The following EZH2 variants were observed in gnomAD, a reference collection of about 807,000 sequenced individuals.
EZH2 encodes histone-lysine N-methyltransferase EZH2.
A neutral mutation model predicts 98.4 loss-of-function variants in EZH2; 18 were observed. The ratio of observed to expected loss-of-function variants is 0.18; its 90% CI spans 0.13 to 0.27. EZH2 has a LOEUF of 0.27. Ranked by LOEUF, EZH2 falls within the 10% of genes least tolerant of loss-of-function variation. The pLI, the probability that EZH2 is intolerant of heterozygous loss-of-function variation, is 1.00. For missense variants in EZH2, 470 were observed against 935.1 expected, an observed-to-expected ratio of 0.50 and a Z score of 6.49; for synonymous variants, 338 against 312.3, an observed-to-expected ratio of 1.08 and a Z score of -0.87.
chr7:148,827,350 T>C, intron 6 of EZH2, 84 bp from the exon 7 acceptor site: 1 of 944,054 alleles, frequency 1.1e-6, no homozygotes, highest in Non-Finnish European at 1.6e-6. Context: ...ATTATGTCTC[T>C]ATAACAAAGC....
intron 14 of EZH2, among the ~76,000 whole-genome samples, chr7:148,814,560 C>G (rs1050795089): frequency 1.3e-5 from 2 of 152,190 alleles, no homozygotes; most frequent in Non-Finnish European, 2.9e-5. Context: ...ACCCTCCTAA[C>G]TCTGACGATT....
chr7:148,835,547 G>A (rs1344845749), intron 3 of EZH2, among the ~76,000 whole-genome samples: 1 of 151,812 alleles, frequency 6.6e-6, no homozygotes, highest in African/African-American at 2.4e-5. Flanking sequence ...TTTGGGGGTG[G>A]AGGTGCTTAT....
chr7:148,866,145 T>G (rs1426458375), intron 1 of EZH2, among the ~76,000 whole-genome samples: 4 of 152,132 alleles, frequency 2.6e-5, no homozygotes, highest in African/African-American at 4.8e-5. Flanking sequence ...TACTTAAAAT[T>G]TATCACAAAT....
intron 4 of EZH2, among the ~76,000 whole-genome samples, chr7:148,831,096 G>A (rs1242735388): frequency 6.6e-6 from 1 of 152,150 alleles, no homozygotes; most frequent in Non-Finnish European, 1.5e-5. Flanking sequence ...AGAACACGCT[G>A]GGAAAGGCCA....
chr7:148,874,915 T>C (rs1585308182), intron 1 of EZH2, among the ~76,000 whole-genome samples: 1 of 149,122 alleles, frequency 6.7e-6, no homozygotes, highest in South Asian at 2.1e-4. Context: ...AAAAAAAAAA[T>C]TTTACTTGAT....
intron 3 of EZH2, among the ~76,000 whole-genome samples, chr7:148,834,352 TACACACACACACACACAC>T (rs10542159): frequency 7.0e-6 from 1 of 143,320 alleles, no homozygotes; most frequent in Admixed American, 6.9e-5. Flanking sequence ...TATATATATA[TACACACACACACACACAC>T]ACACACACAC....
At chr7:148,826,886 G>A (rs949344977) in intron 7 of EZH2, among the ~76,000 whole-genome samples, 1 of 152,108 alleles carries the variant, frequency 6.6e-6, no homozygotes, top group African/African-American at 2.4e-5. Context: ...ATTTCTACCA[G>A]TATCCAGATA....
intron 1 of EZH2, among the ~76,000 whole-genome samples, chr7:148,855,039 TGA>T (rs1205972436): frequency 2.0e-5 from 3 of 152,190 alleles, no homozygotes; most frequent in Non-Finnish European, 4.4e-5. Flanking sequence ...AGGAAGACCA[TGA>T]GAGAGGAATC....
intron 10 of EZH2, 119 bp downstream of exon 10, chr7:148,817,756 ACT>A: frequency 5.3e-6 from 7 of 1,313,514 alleles, no homozygotes; most frequent in Non-Finnish European, 7.5e-6. Flanking sequence ...TCTTGAGATA[ACT>A]CTGGTCTTTA....
chr7:148,817,617 T>C, intron 10 of EZH2: 1 of 665,480 alleles, frequency 1.5e-6, no homozygotes, highest in East Asian at 2.7e-5. Context: ...CTGAGAAAGA[T>C]CGAAAAAAGA....
chr7:148,808,713 G>T lies in EZH2; in HGVS notation c.2195+358C>A, dbSNP rs146444246. On this transcript the variant is annotated intron_variant, in intron 19 of 19. Transcript: ENST00000320356. Reference sequence around the variant, plus strand: ...ATAGTATATTGTCAAGTAAAACCATGTTGCAGAAAAATCTATAGGACAGTG... The same window carrying T: ...ATAGTATATTGTCAAGTAAAACCATTTTGCAGAAAAATCTATAGGACAGTG... Among the ~76,000 whole-genome samples the T allele has an allele frequency of 2.2e-4, 33 of 152,260 alleles. No homozygotes were observed. In the East Asian group the frequency reaches 5.8e-3, roughly 27 times the overall value.
At chr7:148,838,524 C>A (rs908618001) in intron 3 of EZH2, among the ~76,000 whole-genome samples, 2 of 152,030 alleles carry the variant, frequency 1.3e-5, no homozygotes, top group Non-Finnish European at 2.9e-5. Context: ...GTACATGAAG[C>A]AGGTAACAAG....
At chr7:148,844,644 G>C (rs73745401) in intron 3 of EZH2, among the ~76,000 whole-genome samples, 3,642 of 152,130 alleles carry the variant, frequency 0.024, 139 homozygotes, top group African/African-American at 0.084. Context: ...AAACAATTTT[G>C]TTTTATTAAA....
At chr7:148,861,114 T>C (rs983874093) in intron 1 of EZH2, among the ~76,000 whole-genome samples, 5 of 152,216 alleles carry the variant, frequency 3.3e-5, no homozygotes, top group Non-Finnish European at 5.9e-5. Flanking sequence ...TATTTGCATA[T>C]AACCTATGCA....
intron 9 of EZH2, chr7:148,819,054 G>A (rs1335977986): frequency 2.2e-6 from 1 of 456,438 alleles, no homozygotes; most frequent in Non-Finnish European, 4.4e-6. Context: ...TCCTAGGTAG[G>A]AGTGGCTTGG....
chr7:148,845,993 A>G (rs1278090404), intron 3 of EZH2, among the ~76,000 whole-genome samples: 1 of 152,212 alleles, frequency 6.6e-6, no homozygotes, highest in Non-Finnish European at 1.5e-5. Context: ...AGTACTATAG[A>G]AAAAGAAATT....
chr7:148,815,424 T>C (rs1584920091), intron 13 of EZH2, 82 bp downstream of exon 13: 2 of 1,410,940 alleles, frequency 1.4e-6, no homozygotes. Flanking sequence ...ACCCAAGCTC[T>C]AATCCAGTTA....
chr7:148,843,065 G>A (rs933279265), intron 3 of EZH2, among the ~76,000 whole-genome samples: 3 of 152,082 alleles, frequency 2.0e-5, no homozygotes, highest in Admixed American at 6.5e-5. Flanking sequence ...AAAACTAGCC[G>A]GGCGTGGTGG....
intron 19 of EZH2, among the ~76,000 whole-genome samples, chr7:148,808,475 C>T (rs1232518667): frequency 6.6e-6 from 1 of 152,222 alleles, no homozygotes; most frequent in Non-Finnish European, 1.5e-5. Context: ...TATTCAATGG[C>T]TGACTTAAAT....
Sources: allele counts gnomAD v4.1 joint callset (sites outside exome capture counted in the v4.1 genomes callset), GRCh38; gene constraint gnomAD v4.1.1; transcripts MANE v1.5; gene names NCBI Gene and HGNC (gene_info 2026-07-23, HGNC 2026-07-21).